USH2A: variants seen among roughly 807,000 people sequenced by gnomAD.
USH2A encodes the protein Usher syndrome 2A (autosomal recessive, mild).
In USH2A, 443 loss-of-function variants were observed where a neutral mutation model predicts 538.9. The ratio of observed to expected loss-of-function variants is 0.82; its 90% CI spans 0.76 to 0.89. The LOEUF is 0.89. USH2A is among the 40% of genes least tolerant of loss of function. The probability of loss-of-function intolerance (pLI) is 0.00; values close to 1 mark genes in which losing one functional copy is unlikely to be tolerated. For missense variants in USH2A, 6,633 were observed against 6,324.8 expected (o/e 1.05, Z -1.65); for synonymous variants, 2,413 against 2,273.5 (o/e 1.06, Z -1.75).
chr1:215,828,903 A>G (rs1215529144), intron 47 of USH2A, among the ~76,000 whole-genome samples: 2 of 152,328 alleles, frequency 1.3e-5, no homozygotes, highest in South Asian at 2.1e-4. Flanking sequence ...TGAAGCTGTC[A>G]GCTGCAGTGT....
intron 21 of USH2A, among the ~76,000 whole-genome samples, chr1:216,136,863 C>T (rs1032735122): frequency 1.3e-5 from 2 of 152,146 alleles, no homozygotes; most frequent in African/African-American, 4.8e-5. Context: ...AACCATGGAA[C>T]AGATTCTTCC....
intron 47 of USH2A, among the ~76,000 whole-genome samples, chr1:215,819,129 T>C (rs1361204782): frequency 1.3e-5 from 2 of 151,908 alleles, no homozygotes; most frequent in Non-Finnish European, 2.9e-5. Context: ...TTCCCATATA[T>C]ACTTTGGAAT....
In USH2A at chr1:215,728,302, G is replaced by A. The variant is rs111033505; in HGVS notation, c.11794C>T (p.Leu3932=). 1,167 of 1,614,112 alleles carry A rather than the reference G, an allele frequency of 7.2e-4. 5 individuals carry two copies. The African/African-American group carries it at 0.013, about 18-fold the overall frequency. Residue 3932 remains leucine, a synonymous_variant, in exon 61 of 72, where the codon CTG becomes TTG. Transcript: ENST00000307340. ...TATTCGTAGAGTGTGAAAGGCCTCA[G>A]GGTGTCTCCTTCATCCATAAATTCA... ...ALEFMDEGDT[L]RPFTLYEYRV... is the part of the protein sequence containing the mutation.
At chr1:215,762,689 G>A (rs1180072095) in intron 56 of USH2A, among the ~76,000 whole-genome samples, 2 of 152,102 alleles carry the variant, frequency 1.3e-5, no homozygotes, top group Non-Finnish European at 2.9e-5. Flanking sequence ...CCGAGGTGGG[G>A]AATTTGTCCC....
rs777074251 is a variant in USH2A, at chr1:216,198,309, C to G, written c.4081+6G>C. On this transcript the variant is annotated splice_donor_region_variant and intron_variant, in intron 18 of 71. Coordinates refer to ENST00000307340, the MANE Select transcript of USH2A (RefSeq NM_206933.4). ...TAAAAGTAGAATTTAAAACATTGAT[C>G]TTTACCTGATTCTCCCGTTCTTTCT... 1 of 1,613,866 alleles carries G rather than the reference C, an allele frequency of 6.2e-7. No homozygotes were observed. Among genetic ancestry groups the G allele is most frequent in the Admixed American group, 1.7e-5 (1 of 60,010 alleles).
rs1477104773 is a variant in USH2A at position 215,766,769 on chromosome 1, G to A, written c.10959C>T (p.Asn3653=). The A allele has an allele frequency of 6.2e-7, 1 of 1,613,606 alleles. No individual in the cohort carries two copies. Among genetic ancestry groups the A allele is most frequent in the East Asian group, 2.2e-5 (1 of 44,858 alleles). The part of the protein sequence containing the change: ...HTVTGLQPYT[N]YSFTLTACTS... Reference sequence around the variant, plus strand: ...TACAAGCTGTAAGAGTGAAGCTGTAGTTGGTGTATGGCTGGAGACCTAGAA... The same window carrying A: ...TACAAGCTGTAAGAGTGAAGCTGTAATTGGTGTATGGCTGGAGACCTAGAA... Residue 3653 remains asparagine, a synonymous_variant, in exon 56 of 72, where the codon AAC becomes AAT. Transcript: ENST00000307340.
intron 44 of USH2A, among the ~76,000 whole-genome samples, chr1:215,865,987 G>T (rs768069635): frequency 3.3e-5 from 5 of 152,234 alleles, no homozygotes; most frequent in Admixed American, 1.3e-4. Context: ...AAATCACATG[G>T]TTACATTGCC....
At chr1:216,420,962 A>C (rs1410066139) in intron 2 of USH2A, among the ~76,000 whole-genome samples, 1 of 152,142 alleles carries the variant, frequency 6.6e-6, no homozygotes, top group African/African-American at 2.4e-5. Flanking sequence ...ATATCCAGCC[A>C]ACGCTGTCAC....
intron 29 of USH2A, chr1:216,072,615 T>G (rs2031593209): frequency 2.1e-6 from 1 of 477,018 alleles, no homozygotes; most frequent in African/African-American, 2.0e-5. Context: ...GTGGGACTAT[T>G]ACATCCTTAA....
chr1:216,166,768 T>G (rs2034176916), intron 21 of USH2A, among the ~76,000 whole-genome samples: 2 of 152,072 alleles, frequency 1.3e-5, no homozygotes, highest in Admixed American at 1.3e-4. Context: ...AGGAAAAAAA[T>G]GAAGGGAAGA....
chr1:215,957,757 A>AC (rs1428136207), intron 37 of USH2A, among the ~76,000 whole-genome samples: 5 of 152,018 alleles, frequency 3.3e-5, no homozygotes, highest in Admixed American at 6.6e-5. Context: ...CTGCTGCCTG[A>AC]CCCCCTAACT....
intron 32 of USH2A, among the ~76,000 whole-genome samples, chr1:216,011,323 C>T (rs1032338598): frequency 6.6e-6 from 1 of 152,162 alleles, no homozygotes; most frequent in Non-Finnish European, 1.5e-5. Flanking sequence ...CTGACCCTGA[C>T]ACCCATTAGG....
At chr1:215,938,772 G>T (rs1666565816) in intron 37 of USH2A, among the ~76,000 whole-genome samples, 1 of 152,092 alleles carries the variant, frequency 6.6e-6, no homozygotes, top group African/African-American at 2.4e-5. Context: ...GGCTTGGTCT[G>T]AGCCATTGGG....
At chr1:216,181,757 T>C (rs1174398095) in intron 20 of USH2A, among the ~76,000 whole-genome samples, 2 of 152,148 alleles carry the variant, frequency 1.3e-5, no homozygotes, top group Non-Finnish European at 2.9e-5. Context: ...ATGGGGCTTA[T>C]GCAATTAACT....
At chr1:215,981,058 G>T (rs1667741222) in intron 35 of USH2A, among the ~76,000 whole-genome samples, 1 of 152,088 alleles carries the variant, frequency 6.6e-6, no homozygotes, top group Non-Finnish European at 1.5e-5. Flanking sequence ...GTGAGTCCAT[G>T]TGAGTTCTCA....
intron 21 of USH2A, among the ~76,000 whole-genome samples, chr1:216,140,799 A>G (rs1409419080): frequency 1.3e-5 from 2 of 152,224 alleles, no homozygotes; most frequent in African/African-American, 2.4e-5. Context: ...ATCAGAGGAA[A>G]GAGCAGGCCT....
intron 38 of USH2A, among the ~76,000 whole-genome samples, chr1:215,933,641 A>G (rs1666417964): frequency 6.6e-6 from 1 of 151,920 alleles, no homozygotes; most frequent in Non-Finnish European, 1.5e-5. Context: ...ATTTTTCTCC[A>G]GTGATAAAGC....
intron 35 of USH2A, among the ~76,000 whole-genome samples, chr1:215,976,616 T>A (rs1328133459): frequency 6.6e-6 from 1 of 152,232 alleles, no homozygotes; most frequent in East Asian, 1.9e-4. Flanking sequence ...ATCATGTTTT[T>A]AAATATATTT....
At chr1:216,390,478 C>G (rs1033352770) in intron 3 of USH2A, among the ~76,000 whole-genome samples, 1 of 152,054 alleles carries the variant, frequency 6.6e-6, no homozygotes, top group Non-Finnish European at 1.5e-5. Context: ...AAGTGTTTTC[C>G]CAATCTAAAT....
Sources: allele counts gnomAD v4.1 joint callset (sites outside exome capture counted in the v4.1 genomes callset), GRCh38; gene constraint gnomAD v4.1.1; transcripts MANE v1.5; gene names NCBI Gene and HGNC (gene_info 2026-07-23, HGNC 2026-07-21).